PTPRG: variants seen among roughly 807,000 people sequenced by gnomAD.
The protein encoded by PTPRG is receptor-type tyrosine-protein phosphatase gamma.
PTPRG carries 102 observed loss-of-function variants against 165.3 expected under a neutral mutation model. That is an observed-to-expected ratio of 0.62 (90% confidence interval 0.53 to 0.73). The LOEUF (loss-of-function observed/expected upper bound fraction) is 0.73. Among genes scored for constraint, PTPRG ranks in the 30% least tolerant of loss-of-function variants. PTPRG has a pLI of 0.00. For synonymous variants in PTPRG, 675 were observed against 669.5 expected (o/e 1.01, Z -0.13); for missense variants, 1,866 against 1,861.4 (o/e 1.00, Z -0.05).
At chr3:61,679,979 C>A (rs1013460340) in intron 1 of PTPRG, among the ~76,000 whole-genome samples, 2 of 152,146 alleles carry the variant, frequency 1.3e-5, no homozygotes, top group Non-Finnish European at 2.9e-5. Flanking sequence ...AACATTTTCT[C>A]TTTCTCAATT....
In PTPRG at chr3:62,214,666, A is replaced by G. The variant is rs1017749038; in HGVS notation, c.2156-4185A>G. Among the ~76,000 whole-genome samples the G allele has an allele frequency of 2.0e-5, 3 of 152,192 alleles. No homozygotes were observed. The highest frequency in any genetic ancestry group is 2.9e-5 in the Non-Finnish European group (2 of 68,038). On this transcript the variant is annotated intron_variant, in intron 12 of 29. Coordinates refer to ENST00000474889, the MANE Select transcript of PTPRG (RefSeq NM_002841.4). The surrounding 1 kb of genome is among the most constrained non-coding windows in gnomAD (Gnocchi z 5.2). The stretch of plus-strand genomic sequence containing the variant: ...AGTAAGAGCAACACAAGATGATGAT[A>G]GTGGTGGTGGTACTTGTCATTTGCT...
At chr3:61,604,975 C>A (rs947913071) in intron 1 of PTPRG, among the ~76,000 whole-genome samples, 1 of 152,104 alleles carries the variant, frequency 6.6e-6, no homozygotes, top group Admixed American at 6.5e-5. Context: ...ACTTTGTACA[C>A]AGAGCTGGTA....
At chr3:61,606,775 A>C (rs1251454045) in intron 1 of PTPRG, among the ~76,000 whole-genome samples, 3 of 152,130 alleles carry the variant, frequency 2.0e-5, no homozygotes, top group Admixed American at 1.3e-4. Flanking sequence ...GTCCTCTTTT[A>C]TAAGGGCCTT....
At chr3:61,591,558 G>T (rs536040798) in intron 1 of PTPRG, among the ~76,000 whole-genome samples, 1 of 152,160 alleles carries the variant, frequency 6.6e-6, no homozygotes, top group African/African-American at 2.4e-5. Flanking sequence ...GAGGGAAAAG[G>T]GACCAGTGGC....
intron 2 of PTPRG, among the ~76,000 whole-genome samples, chr3:61,941,886 C>T (rs539281521): frequency 3.6e-4 from 55 of 151,462 alleles, no homozygotes; most frequent in East Asian, 1.8e-3. Context: ...TGGCCAGGTG[C>T]GGTGGCTCAT....
intron 1 of PTPRG, among the ~76,000 whole-genome samples, chr3:61,640,415 C>T (rs1008197578): frequency 1.3e-5 from 2 of 152,166 alleles, no homozygotes; most frequent in African/African-American, 4.8e-5. Context: ...TCCTCCTCCT[C>T]CTCCTCCTCT....
intron 2 of PTPRG, among the ~76,000 whole-genome samples, chr3:61,934,237 A>G (rs558008547): frequency 6.6e-6 from 1 of 152,196 alleles, no homozygotes; most frequent in African/African-American, 2.4e-5. Context: ...ATTAATTAGA[A>G]TCACTGACAC....
chr3:61,752,826 C>T (rs957835111), intron 2 of PTPRG, among the ~76,000 whole-genome samples: 1 of 109,140 alleles, frequency 9.2e-6, no homozygotes, highest in African/African-American at 3.1e-5. Flanking sequence ...AAATATTTGC[C>T]AACTCCTGCT....
intron 26 of PTPRG, among the ~76,000 whole-genome samples, chr3:62,278,931 A>G (rs1702330258): frequency 6.6e-6 from 1 of 152,060 alleles, no homozygotes; most frequent in African/African-American, 2.4e-5. Flanking sequence ...GCATCTACCC[A>G]GCAGCTCATT....
At chr3:61,990,858 T>C (rs2107695855) in intron 3 of PTPRG, among the ~76,000 whole-genome samples, 1 of 151,938 alleles carries the variant, frequency 6.6e-6, no homozygotes, top group East Asian at 1.9e-4. Context: ...ACTTAGCTCC[T>C]AGCCCTTTGG....
At position 62,251,634 on chromosome 3, in the gene PTPRG, T is replaced by C. The variant is rs372639571; in HGVS notation, c.2468-3490T>C. ...CAGCCTGGGTGACACAGTGAGACCA[T>C]GTCTCAAAAAAAAAAATTAGCACAA... On this transcript the variant is annotated intron_variant, in intron 15 of 29. Transcript: ENST00000474889. 5.9e-4 allele frequency among the ~76,000 whole-genome samples: 89 copies of C among 152,090 alleles called. 1 individual carries two copies. The highest frequency in any genetic ancestry group is 3.4e-3 in the Middle Eastern group (1 of 292).
At chr3:62,048,691 C>T (rs1266151272) in intron 4 of PTPRG, among the ~76,000 whole-genome samples, 1 of 152,176 alleles carries the variant, frequency 6.6e-6, no homozygotes, top group African/African-American at 2.4e-5. Context: ...GTGCTATTAG[C>T]AGACTATTGT....
intron 2 of PTPRG, among the ~76,000 whole-genome samples, chr3:61,792,906 T>A (rs1357650732): frequency 6.6e-6 from 1 of 152,014 alleles, no homozygotes; most frequent in Non-Finnish European, 1.5e-5. Flanking sequence ...CTTTTTGTAT[T>A]TCAGTGGAGT....
intron 14 of PTPRG, among the ~76,000 whole-genome samples, chr3:62,242,195 T>C (rs1407746359): frequency 6.6e-6 from 1 of 152,230 alleles, no homozygotes; most frequent in Admixed American, 6.5e-5. Flanking sequence ...TTATGTGCAT[T>C]TCATATCCAT....
chr3:62,284,722 A>G (rs1702572847), intron 28 of PTPRG, among the ~76,000 whole-genome samples: 1 of 152,028 alleles, frequency 6.6e-6, no homozygotes, highest in Non-Finnish European at 1.5e-5. Context: ...CCTGCCCCTA[A>G]TCAACTTAAC....
intron 5 of PTPRG, among the ~76,000 whole-genome samples, chr3:62,108,491 G>A (rs1702553778): frequency 6.6e-6 from 1 of 152,274 alleles, no homozygotes; most frequent in Middle Eastern, 3.4e-3. Context: ...TGTGAACAGT[G>A]CCTCAGTAAA....
At chr3:61,963,852 A>C (rs2040210385) in intron 2 of PTPRG, among the ~76,000 whole-genome samples, 3 of 152,148 alleles carry the variant, frequency 2.0e-5, no homozygotes, top group African/African-American at 4.8e-5. Context: ...ATGCTTGTTG[A>C]AAATATGTGC....
intron 2 of PTPRG, among the ~76,000 whole-genome samples, chr3:61,764,083 G>A (rs2033940100): frequency 6.6e-6 from 1 of 152,058 alleles, no homozygotes; most frequent in Non-Finnish European, 1.5e-5. Context: ...GGAACCAGCA[G>A]GTAACATATT....
intron 1 of PTPRG, among the ~76,000 whole-genome samples, chr3:61,658,077 G>A (rs1452601736): frequency 2.0e-5 from 3 of 152,198 alleles, no homozygotes; most frequent in Admixed American, 1.3e-4. Flanking sequence ...GCCATGGGAT[G>A]AAATGGGAAG....
Sources: allele counts gnomAD v4.1 joint callset (sites outside exome capture counted in the v4.1 genomes callset), GRCh38; gene constraint gnomAD v4.1.1; non-coding constraint Gnocchi (gnomAD v3.1); transcripts MANE v1.5; gene names NCBI Gene and HGNC (gene_info 2026-07-23, HGNC 2026-07-21).